Variants in CLVS1 observed in about 807,000 individuals in gnomAD.
CLVS1 encodes the protein clavesin-1.
In CLVS1, 10 loss-of-function variants were observed where a neutral mutation model predicts 33.1. That is an observed-to-expected ratio of 0.30 (90% confidence interval 0.19 to 0.51). The LOEUF (loss-of-function observed/expected upper bound fraction) is 0.51. Among genes scored for constraint, CLVS1 ranks in the 20% least tolerant of loss-of-function variants. CLVS1 has a pLI of 0.97. For synonymous variants in CLVS1, 163 were observed against 166.1 expected, an observed-to-expected ratio of 0.98 and a Z score of 0.14; for missense variants, 343 against 433.4, an observed-to-expected ratio of 0.79 and a Z score of 1.85.
At chr8:61,384,434 C>T (rs1300854261) in intron 3 of CLVS1, among the ~76,000 whole-genome samples, 2 of 152,034 alleles carry the variant, frequency 1.3e-5, no homozygotes, top group African/African-American at 4.8e-5. Context: ...AGCATCTGAA[C>T]TAGGAGTGAT....
chr8:61,425,989 T>A (rs1400762997), intron 3 of CLVS1, among the ~76,000 whole-genome samples: 1 of 152,232 alleles, frequency 6.6e-6, no homozygotes, highest in East Asian at 1.9e-4. Flanking sequence ...GAGCTGTAAT[T>A]ACACTCTTAT....
Position 61,342,339 on chromosome 8 carries a change from G to A in CLVS1, c.456-34266G>A, listed in dbSNP as rs1469733801. ...GTTCAGCAGAGCCCTGAAAAGGGGG[G>A]ATGGTAATGGAAGGAGGACAGGACT... is the stretch of plus-strand genomic sequence containing the variant. On this transcript the variant is annotated intron_variant, in intron 2 of 5. Coordinates refer to ENST00000325897, the MANE Select transcript of CLVS1 (RefSeq NM_173519.3). 2.6e-5 allele frequency among the ~76,000 whole-genome samples: 4 copies of A among 152,202 alleles called. No homozygotes were observed. In the East Asian group the frequency reaches 7.7e-4, roughly 29 times the overall value.
intron 5 of CLVS1, among the ~76,000 whole-genome samples, chr8:61,482,419 G>A (rs1818229761): frequency 6.6e-6 from 1 of 152,346 alleles, no homozygotes; most frequent in African/African-American, 2.4e-5. Context: ...AGCTAAAGGA[G>A]GATGTTCGAA....
intron 2 of CLVS1, among the ~76,000 whole-genome samples, chr8:61,309,425 C>T (rs1014568338): frequency 1.3e-5 from 2 of 152,184 alleles, no homozygotes; most frequent in Non-Finnish European, 2.9e-5. Context: ...AATGACATCT[C>T]ACAGCAGTTC....
At chr8:61,366,112 C>T (rs943050362) in intron 2 of CLVS1, among the ~76,000 whole-genome samples, 5 of 152,112 alleles carry the variant, frequency 3.3e-5, no homozygotes, top group African/African-American at 1.2e-4. Context: ...AGCTCACTTC[C>T]ATTGGGATCA....
intron 1 of CLVS1, among the ~76,000 whole-genome samples, chr8:61,123,293 A>T (rs1320992560): frequency 6.6e-6 from 1 of 151,392 alleles, no homozygotes; most frequent in Non-Finnish European, 1.5e-5. Context: ...TAATAATAAT[A>T]ATAAAAGTCT....
intron 1 of CLVS1, among the ~76,000 whole-genome samples, chr8:61,086,198 G>A (rs188136960): frequency 9.4e-4 from 143 of 151,838 alleles, no homozygotes; most frequent in African/African-American, 3.3e-3. Flanking sequence ...TTGCACTCCA[G>A]CCTGGGAGCC....
intron 1 of CLVS1, among the ~76,000 whole-genome samples, chr8:61,113,805 A>T (rs1316261002): frequency 1.3e-5 from 2 of 152,008 alleles, no homozygotes; most frequent in Non-Finnish European, 1.5e-5. Context: ...GCTAATTAAT[A>T]TTTTTTTGTA....
upstream of CLVS1, among the ~76,000 whole-genome samples, chr8:61,052,845 A>G (rs1804409123): frequency 6.6e-6 from 1 of 152,158 alleles, no homozygotes; most frequent in African/African-American, 2.4e-5. Flanking sequence ...GACCGTTGAC[A>G]TGAGAGAACA....
chr8:61,057,472 A>G (rs1421090724), intron 1 of CLVS1, among the ~76,000 whole-genome samples: 1 of 151,864 alleles, frequency 6.6e-6, no homozygotes, highest in East Asian at 1.9e-4. Context: ...TCTGTTTCTT[A>G]GGCCATGCCT....
intron 2 of CLVS1, among the ~76,000 whole-genome samples, chr8:61,178,009 A>G (rs1447609435): frequency 6.6e-6 from 1 of 152,198 alleles, no homozygotes; most frequent in African/African-American, 2.4e-5. Flanking sequence ...ACGAATTGAC[A>G]GAAGTAGGCT....
the CLVS1 span, among the ~76,000 whole-genome samples, chr8:61,015,697 A>G: frequency 6.6e-6 from 1 of 152,196 alleles, no homozygotes; most frequent in Non-Finnish European, 1.5e-5. Flanking sequence ...ACACACAGAA[A>G]CCATTCCCCT....
chr8:61,432,832 A>G (rs7831797), intron 3 of CLVS1, among the ~76,000 whole-genome samples: 23,222 of 152,206 alleles, frequency 0.15, 2,323 homozygotes, highest in African/African-American at 0.28. Context: ...TGTAGGTTGA[A>G]GAAAAAGAAA....
chr8:61,450,847 T>A (rs1449482584), intron 3 of CLVS1, among the ~76,000 whole-genome samples: 1 of 152,252 alleles, frequency 6.6e-6, no homozygotes, highest in African/African-American at 2.4e-5. Flanking sequence ...ATACTTTTGG[T>A]CCTTTTCTTA....
chr8:61,217,953 TATC>T (rs1312583278), intron 2 of CLVS1, among the ~76,000 whole-genome samples: 1 of 152,184 alleles, frequency 6.6e-6, no homozygotes, highest in Admixed American at 6.5e-5. Flanking sequence ...CACAGTAAAG[TATC>T]ATTTCACCCC....
At chr8:61,303,373 A>G (rs1196737183) in intron 2 of CLVS1, among the ~76,000 whole-genome samples, 2 of 152,218 alleles carry the variant, frequency 1.3e-5, no homozygotes, top group African/African-American at 4.8e-5. Flanking sequence ...TCTCTTGTGT[A>G]AAATAAGAAG....
chr8:61,009,538 C>CTT, the CLVS1 span, among the ~76,000 whole-genome samples: 2 of 152,078 alleles, frequency 1.3e-5, no homozygotes, highest in East Asian at 1.9e-4. Flanking sequence ...TGAGGTTGAA[C>CTT]TTTTTTCATA....
At chr8:61,376,582 T>C in intron 2 of CLVS1, 23 bp from the exon 3 acceptor site, 1 of 1,608,160 alleles carries the variant, frequency 6.2e-7, no homozygotes, top group Non-Finnish European at 8.5e-7. Flanking sequence ...CACACACAGC[T>C]CTCCTTTCTG....
At chr8:61,419,825 G>A (rs12334755) in intron 3 of CLVS1, among the ~76,000 whole-genome samples, 3,646 of 152,234 alleles carry the variant, frequency 0.024, 161 homozygotes, top group African/African-American at 0.083. Context: ...CTGCATATCT[G>A]CAAACTGCCT....
Sources: gnomAD v4.1 joint callset for allele counts (sites outside exome capture counted in the v4.1 genomes callset) on GRCh38, gnomAD v4.1.1 for gene constraint, MANE v1.5 for transcripts, NCBI Gene and HGNC (gene_info 2026-07-23, HGNC 2026-07-21) for gene names.